The following SLC23A2 variants were observed in gnomAD, a reference collection of about 807,000 sequenced individuals.
The protein encoded by SLC23A2 is Na(+)/L-ascorbic acid transporter 2.
In SLC23A2, 36 loss-of-function variants were observed where a neutral mutation model predicts 73.3. That is an observed-to-expected ratio of 0.49 (90% confidence interval 0.38 to 0.65). The LOEUF (loss-of-function observed/expected upper bound fraction) is 0.65. Ranked by LOEUF, SLC23A2 falls within the 30% of genes least tolerant of loss-of-function variation. The pLI is 0.00. For missense variants in SLC23A2, 507 were observed against 841.6 expected (o/e 0.60, Z 4.92); for synonymous variants, 343 against 327.3 (o/e 1.05, Z -0.52).
In SLC23A2 at chr20:4,863,432, C is replaced by T. The variant is rs949981685; in HGVS notation, c.1357-525G>A. On this transcript the variant is annotated intron_variant, in intron 13 of 16. Transcript: ENST00000338244. The surrounding 1 kb of genome is among the most constrained non-coding windows in gnomAD (Gnocchi z 4.8). ...CCTGGCCCACGTCTGACTGTATGGT[C>T]GGGCCGACCCGTAGCCTCTAGAGTC... Among the ~76,000 whole-genome samples, 25 of 152,196 alleles carry T rather than the reference C, an allele frequency of 1.6e-4. No homozygotes were observed. The highest frequency in any genetic ancestry group is 5.5e-4 in the African/African-American group (23 of 41,446).
chr20:4,902,859 G>A lies in SLC23A2; in HGVS notation c.208-301C>T, dbSNP rs1931800441. On this transcript the variant is annotated intron_variant, in intron 4 of 16. Coordinates refer to ENST00000338244, the MANE Select transcript of SLC23A2 (RefSeq NM_005116.6). The surrounding 1 kb of genome is among the most constrained non-coding windows in gnomAD (Gnocchi z 4.0). ...GCCTGGGGATCCTCCTGCATGGACA[G>A]AGATGTTCCCAGGTTGAGACCACAA... 2.0e-5 allele frequency among the ~76,000 whole-genome samples: 3 copies of A among 152,108 alleles called. No individual in the cohort carries two copies. Among genetic ancestry groups the A allele is most frequent in the Admixed American group, 2.0e-4 (3 of 15,252 alleles).
chr20:4,884,888 A>C, intron 7 of SLC23A2, 65 bp from the exon 8 acceptor site: 1 of 929,768 alleles, frequency 1.1e-6, no homozygotes, highest in Non-Finnish European at 1.6e-6. Flanking sequence ...TATTCATTTT[A>C]CCTTTTAAGA....
chr20:4,883,847 A>G lies in SLC23A2; in HGVS notation c.643-24T>C. 2 of 1,575,010 alleles carry G rather than the reference A, an allele frequency of 1.3e-6. No homozygotes were observed. The highest frequency in any genetic ancestry group is 1.1e-5 in the South Asian group (1 of 87,474). ...ATCTGCAACAAGAGATGGCACAGAC[A>G]TGAGAGTGAGCTGCTTGTACACTGC... On this transcript the variant is annotated intron_variant, in intron 8 of 16. Coordinates refer to ENST00000338244, the MANE Select transcript of SLC23A2 (RefSeq NM_005116.6). The surrounding 1 kb of genome is among the most constrained non-coding windows in gnomAD (Gnocchi z 4.5).
chr20:4,999,195 T>C (rs1052723298), intron 1 of SLC23A2, among the ~76,000 whole-genome samples: 1 of 152,214 alleles, frequency 6.6e-6, no homozygotes, highest in Non-Finnish European at 1.5e-5. Context: ...AATAGATCCC[T>C]GGTTTGTCTT....
In SLC23A2 at chr20:4,863,417, G is replaced by C. The variant is rs1055557097; in HGVS notation, c.1357-510C>G. Among the ~76,000 whole-genome samples, 1 of 152,224 alleles carries C rather than the reference G, an allele frequency of 6.6e-6. No individual in the cohort carries two copies. The highest frequency in any genetic ancestry group is 2.4e-5 in the African/African-American group (1 of 41,458). On this transcript the variant is annotated intron_variant, in intron 13 of 16. Transcript: ENST00000338244. This position sits in a 1 kb window ranked among gnomAD's most constrained non-coding sequence, Gnocchi z 4.8. ...ACTGCGGGCTCTTCTCCTGGCCCAC[G>C]TCTGACTGTATGGTCGGGCCGACCC...
chr20:4,897,500 A>AC (rs1931583298), intron 6 of SLC23A2, among the ~76,000 whole-genome samples: 1 of 151,690 alleles, frequency 6.6e-6, no homozygotes, highest in South Asian at 2.1e-4. Flanking sequence ...ACAGACACGC[A>AC]CCCTCCTCCA....
intron 2 of SLC23A2, among the ~76,000 whole-genome samples, chr20:4,952,136 T>C (rs1256016781): frequency 9.6e-6 from 1 of 103,934 alleles, no homozygotes; most frequent in East Asian, 2.9e-4. Context: ...AAAGAACAAA[T>C]GGAGCAGACT....
intron 2 of SLC23A2, among the ~76,000 whole-genome samples, chr20:4,934,023 G>T (rs2086919663): frequency 6.6e-6 from 1 of 152,214 alleles, no homozygotes; most frequent in Non-Finnish European, 1.5e-5. Context: ...AAATTTTAGA[G>T]TTCAGAAATC....
chr20:4,887,253 T>C (rs1931139099), intron 6 of SLC23A2, among the ~76,000 whole-genome samples: 1 of 152,194 alleles, frequency 6.6e-6, no homozygotes, highest in Non-Finnish European at 1.5e-5. Context: ...GAAGTGGGAA[T>C]GTACGTCAAA....
chr20:4,882,733 C>T (rs1568608359), intron 9 of SLC23A2, among the ~76,000 whole-genome samples: 1 of 152,122 alleles, frequency 6.6e-6, no homozygotes, highest in Admixed American at 6.5e-5. Context: ...TTATCTGATA[C>T]TATATACAAG....
intron 3 of SLC23A2, among the ~76,000 whole-genome samples, chr20:4,928,331 G>A (rs1439081435): frequency 4.6e-5 from 7 of 152,140 alleles, no homozygotes; most frequent in Non-Finnish European, 5.9e-5. Context: ...CTGAGCATCC[G>A]CACCCAGCCT....
chr20:4,912,884 T>C lies in SLC23A2; in HGVS notation c.203A>G (p.Glu68Gly). The C allele has an allele frequency of 6.2e-7, 1 of 1,605,264 alleles. No individual in the cohort carries two copies. Among genetic ancestry groups the C allele is most frequent in the Non-Finnish European group, 8.5e-7 (1 of 1,172,156 alleles). Reference protein sequence around the residue: ...AIYTTENGIAEKSSLAETLDS... With the variant: ...AIYTTENGIAGKSSLAETLDS... ...ACGGGGTGACGGAAGGGGTACCTTTTCTGCAATGCCGTTTTCCGTAGTGTA... is the reference window on the plus strand; with the variant it reads ...ACGGGGTGACGGAAGGGGTACCTTTCCTGCAATGCCGTTTTCCGTAGTGTA... The change falls in exon 4 of 17, where the codon GAA becomes GGA. Residue 68 changes from glutamate (E) to glycine (G), a missense_variant. Physicochemically the swap from Glu to Gly is moderately conservative, Grantham distance 98 (BLOSUM62 -2). Coordinates refer to ENST00000338244, the MANE Select transcript of SLC23A2 (RefSeq NM_005116.6).
intron 2 of SLC23A2, among the ~76,000 whole-genome samples, chr20:4,949,846 T>C (rs1024897674): frequency 6.6e-6 from 1 of 152,168 alleles, no homozygotes; most frequent in African/African-American, 2.4e-5. Context: ...TGGCCTTACC[T>C]TCAAAGTGAA....
intron 3 of SLC23A2, among the ~76,000 whole-genome samples, chr20:4,914,351 C>T (rs1932254456): frequency 6.6e-6 from 1 of 151,938 alleles, no homozygotes. Flanking sequence ...ACATGAAAAG[C>T]TGTTCCATAT....
At position 4,862,007 on chromosome 20, in the gene SLC23A2, A is replaced by T. The variant is rs757334863; in HGVS notation, c.1565T>A (p.Phe522Tyr). 6.2e-7 allele frequency: 1 copy of T among 1,614,184 alleles called. No homozygotes were observed. Among genetic ancestry groups the T allele is most frequent in the South Asian group, 1.1e-5 (1 of 91,086 alleles). The change falls in exon 15 of 17, where the codon TTT (phenylalanine) becomes TAT (tyrosine). Residue 522 changes from phenylalanine to tyrosine, a missense_variant. This residue lies in a region of SLC23A2 where 168 missense variants were observed against 302.3 expected (regional missense o/e 0.56). Coordinates refer to ENST00000338244, the MANE Select transcript of SLC23A2 (RefSeq NM_005116.6). This position sits in a 1 kb window ranked among gnomAD's most constrained non-coding sequence, Gnocchi z 5.1. ...AAGGACGAGCCCAAAGAAGATCGAA[A>T]ATCCAAGCACAAAGAGGTTCCGGGA... Reference protein sequence around the residue: ...NSSRNLFVLGFSIFFGLVLPS... With the variant: ...NSSRNLFVLGYSIFFGLVLPS...
chr20:4,884,777 G>C lies in SLC23A2; in HGVS notation c.618C>G (p.His206Gln), dbSNP rs1270231890. Residue 206 changes from histidine to glutamine, a missense_variant, in exon 8 of 17, where the codon CAC becomes CAG. His to Gln is a conservative substitution (Grantham distance 24). Coordinates refer to ENST00000338244, the MANE Select transcript of SLC23A2 (RefSeq NM_005116.6). ...NGTAELLHTE[H>Q]IWYPRIREIQ... ...CCTCTCGGATCCGGGGATACCAGAT[G>C]TGTTCTGTGTGCAACAGCTCTGCTG... 2.5e-6 allele frequency: 4 copies of C among 1,599,970 alleles called. No homozygotes were observed. The South Asian group carries it at 3.4e-5, about 14-fold the overall frequency.
intron 3 of SLC23A2, among the ~76,000 whole-genome samples, chr20:4,920,764 A>G (rs2122914245): frequency 6.6e-6 from 1 of 152,232 alleles, no homozygotes; most frequent in South Asian, 2.1e-4. Flanking sequence ...TGCTCCCCCT[A>G]AACAGAGACA....
chr20:4,944,722 C>T (rs946220794), intron 2 of SLC23A2, among the ~76,000 whole-genome samples: 1 of 152,190 alleles, frequency 6.6e-6, no homozygotes, highest in Non-Finnish European at 1.5e-5. Context: ...CTCAAAACCT[C>T]AGCCTGCCAA....
At position 4,920,857 on chromosome 20, in the gene SLC23A2, C is replaced by T. The variant is rs142298244; in HGVS notation, c.109-7879G>A. 1.5e-3 allele frequency among the ~76,000 whole-genome samples: 225 copies of T among 152,238 alleles called. 2 individuals are homozygous for T. The Middle Eastern group carries it at 0.024, about 16-fold the overall frequency. ...TGGTGCGGCTGGTTCTCCCTCTATT[C>T]CCTCAAAGTGCTATCAGATCCAGGG... On this transcript the variant is annotated intron_variant, in intron 3 of 16. Transcript: ENST00000338244.
Sources: allele counts gnomAD v4.1 joint callset (sites outside exome capture counted in the v4.1 genomes callset), GRCh38; gene constraint gnomAD v4.1.1; regional missense constraint gnomAD v4.1.1; non-coding constraint Gnocchi (gnomAD v3.1); transcripts MANE v1.5; gene names NCBI Gene and HGNC (gene_info 2026-07-23, HGNC 2026-07-21).